The following RP1 variants were observed in gnomAD, a reference collection of about 807,000 sequenced individuals.
RP1 encodes RP1 axonemal microtubule associated.
A neutral mutation model predicts 14.8 loss-of-function variants in RP1; 16 were observed. That is an observed-to-expected ratio of 1.08 (90% CI 0.73 to 1.65). The LOEUF is 1.65. Among genes scored for constraint, RP1 ranks in the 40% most tolerant of loss-of-function variants. The pLI, the probability that RP1 is intolerant of heterozygous loss-of-function variation, is 0.00. For missense variants in RP1, 2,631 were observed against 2,535.0 expected (o/e 1.04, Z -0.81); for synonymous variants, 876 against 883.6 (o/e 0.99, Z 0.15).
At chr8:54,678,403 A>ATTTTG in intron 8 of RP1, 1 of 1,374,048 alleles carries the variant, frequency 7.3e-7, no homozygotes, top group Non-Finnish European at 9.9e-7. Context: ...TCAAAACTTG[A>ATTTTG]AGTATTATTA....
chr8:54,776,896 T>C (rs898189484), intron 23 of RP1, among the ~76,000 whole-genome samples: 1 of 152,184 alleles, frequency 6.6e-6, no homozygotes, highest in Admixed American at 6.5e-5. Context: ...CACTAAAGTA[T>C]AGTTGTCCTA....
intron 24 of RP1, among the ~76,000 whole-genome samples, chr8:54,812,721 C>G (rs1343393280): frequency 6.6e-6 from 1 of 152,150 alleles, no homozygotes; most frequent in African/African-American, 2.4e-5. Context: ...CCAGATATCT[C>G]TCTCTCTTCT....
intron 26 of RP1, among the ~76,000 whole-genome samples, chr8:54,853,519 G>A (rs570689282): frequency 9.2e-5 from 14 of 152,176 alleles, no homozygotes; most frequent in Admixed American, 5.2e-4. Flanking sequence ...TCTTATGGCC[G>A]TGCACAGATA....
Position 54,825,118 on chromosome 8 carries a change from T to C in RP1, c.3616-12332T>C, listed in dbSNP as rs139484807. On this transcript the variant is annotated intron_variant, in intron 24 of 28. Transcript: ENST00000637698. ...CCGAGTAGCTGGGACTACAGGCGCC[T>C]GCCACCACGGCCGGCTAATTTGAGT... is the stretch of plus-strand genomic sequence containing the variant. 6.9e-3 allele frequency among the ~76,000 whole-genome samples: 1,044 copies of C among 152,154 alleles called. 8 individuals carry two copies. The highest frequency in any genetic ancestry group is 0.023 in the African/African-American group (950 of 41,514).
At chr8:54,730,231 A>G (rs996631459) in intron 17 of RP1, among the ~76,000 whole-genome samples, 3 of 152,066 alleles carry the variant, frequency 2.0e-5, no homozygotes, top group Non-Finnish European at 4.4e-5. Flanking sequence ...CTTCTATAAA[A>G]CAACCATTGT....
chr8:54,715,993 AT>A (rs1283383239), intron 15 of RP1, among the ~76,000 whole-genome samples: 3 of 152,222 alleles, frequency 2.0e-5, no homozygotes, highest in Admixed American at 6.5e-5. Flanking sequence ...GTCATGAGCA[AT>A]TCCTTGAGAT....
intron 1 of RP1, among the ~76,000 whole-genome samples, chr8:54,590,457 C>T (rs553861045): frequency 3.3e-5 from 5 of 152,254 alleles, no homozygotes; most frequent in African/African-American, 1.2e-4. Flanking sequence ...ATCAGGGGTG[C>T]TCACCCAGCC....
intron 24 of RP1, among the ~76,000 whole-genome samples, chr8:54,833,949 A>C (rs1811598106): frequency 6.6e-6 from 1 of 151,896 alleles, no homozygotes; most frequent in Admixed American, 6.6e-5. Context: ...ACATGAAATG[A>C]AAAAAAATCA....
At chr8:54,631,599 G>T (rs1585571099), downstream of RP1, among the ~76,000 whole-genome samples, 1 of 151,402 alleles carries the variant, frequency 6.6e-6, no homozygotes, top group East Asian at 1.9e-4. Flanking sequence ...TTCATGACTG[G>T]TTTACAGTAG....
chr8:54,720,238 A>C, exon 16 of RP1: 1 of 1,536,010 alleles, frequency 6.5e-7, no homozygotes, highest in Non-Finnish European at 8.7e-7. Context: ...CTTCAGTCAG[A>C]TGGGCAGGCA....
At chr8:54,586,569 T>G (rs1017887323) in intron 1 of RP1, among the ~76,000 whole-genome samples, 1 of 152,230 alleles carries the variant, frequency 6.6e-6, no homozygotes, top group African/African-American at 2.4e-5. Flanking sequence ...TCCTGCCTTT[T>G]GTTTGGCTAT....
intron 12 of RP1, among the ~76,000 whole-genome samples, chr8:54,698,969 A>G (rs973913073): frequency 7.2e-5 from 11 of 152,196 alleles, no homozygotes; most frequent in Admixed American, 7.2e-4. Context: ...GCAAACCAAC[A>G]TGGCACATGT....
intron 12 of RP1, among the ~76,000 whole-genome samples, chr8:54,684,013 T>A (rs79707761): frequency 8.9e-4 from 130 of 145,570 alleles, no homozygotes; most frequent in African/African-American, 3.2e-3. Flanking sequence ...TTTTTTTTTT[T>A]AACATGAAGG....
At chr8:54,681,482 TTGTGTG>T (rs3049538) in intron 12 of RP1, among the ~76,000 whole-genome samples, 2,890 of 141,616 alleles carry the variant, frequency 0.02, 37 homozygotes, top group Middle Eastern at 0.049. Context: ...ATTTTTTGAT[TTGTGTG>T]TGTGTGTGTG....
intron 16 of RP1, among the ~76,000 whole-genome samples, chr8:54,720,811 C>T (rs889319193): frequency 3.3e-5 from 5 of 152,118 alleles, no homozygotes; most frequent in Non-Finnish European, 7.4e-5. Flanking sequence ...TATCTAAGTT[C>T]CTGTTCTCTA....
chr8:54,615,735 A>T (rs1160566788), upstream of RP1, among the ~76,000 whole-genome samples: 2 of 152,246 alleles, frequency 1.3e-5, no homozygotes, highest in African/African-American at 4.8e-5. Flanking sequence ...ACCAGGAGCA[A>T]GTACTGACTT....
At chr8:54,769,513 A>T (rs1809848661) in intron 22 of RP1, among the ~76,000 whole-genome samples, 1 of 152,088 alleles carries the variant, frequency 6.6e-6, no homozygotes, top group Non-Finnish European at 1.5e-5. Flanking sequence ...AGCAACGTAT[A>T]TATTTCGTTC....
At chr8:54,600,056 G>C (rs62514584) in intron 1 of RP1, among the ~76,000 whole-genome samples, 35,818 of 151,980 alleles carry the variant, frequency 0.24, 4,484 homozygotes, top group Non-Finnish European at 0.26. Context: ...TGGTTTGGCT[G>C]TGTCTTCATC....
intron 3 of RP1, among the ~76,000 whole-genome samples, chr8:54,646,751 A>T (rs988709203): frequency 2.0e-5 from 3 of 152,068 alleles, no homozygotes; most frequent in African/African-American, 7.2e-5. Context: ...CAGCCTTTCC[A>T]TCCTAGTTGT....
Sources: allele counts gnomAD v4.1 joint callset (sites outside exome capture counted in the v4.1 genomes callset), GRCh38; gene constraint gnomAD v4.1.1; transcripts MANE v1.5; gene names NCBI Gene and HGNC (gene_info 2026-07-23, HGNC 2026-07-21).